SHF: variants seen among roughly 807,000 people sequenced by gnomAD.
SHF encodes SH2 domain-containing adapter protein F.
In SHF, 30 loss-of-function variants were observed where a neutral mutation model predicts 42.4. That is an observed-to-expected ratio of 0.71 (90% CI 0.53 to 0.96). The LOEUF is 0.96. Ranked by LOEUF, SHF falls within the 40% of genes least tolerant of loss-of-function variation. The pLI is 0.00. For synonymous variants in SHF, 264 were observed against 269.9 expected, an observed-to-expected ratio of 0.98 and a Z score of 0.21; for missense variants, 598 against 634.0, an observed-to-expected ratio of 0.94 and a Z score of 0.61.
chr15:45,172,304 G>T lies in SHF; in HGVS notation c.1003C>A (p.Pro335Thr), dbSNP rs1229996630. ...CCAGGTGACAGGCAGCTCTTCTCCG[G>T]TCCTTCAAACTGGGCTGTGGGGAAC... is the stretch of plus-strand genomic sequence containing the variant. ...LEDSSAQFEG[P>T]EKSCLSPGRE... The change falls in exon 5 of 7, where the codon CCG becomes ACG. Residue 335 changes from proline to threonine, a missense_variant. This residue lies in a region of SHF where 439 missense variants were observed against 524.6 expected (regional missense o/e 0.84). Transcript: ENST00000690270. 1 of 1,605,076 alleles carries T rather than the reference G, an allele frequency of 6.2e-7. No individual in the cohort carries two copies. The highest frequency in any genetic ancestry group is 2.2e-5 in the East Asian group (1 of 44,850).
chr15:45,193,301 G>A (rs1289028587), intron 2 of SHF, among the ~76,000 whole-genome samples: 1 of 152,206 alleles, frequency 6.6e-6, no homozygotes, highest in East Asian at 1.9e-4. Context: ...TGCCCAAGGT[G>A]GTCACGGCCC....
upstream of SHF, chr15:45,187,991 TG>T (rs1369840032): frequency 8.3e-5 from 45 of 540,462 alleles, no homozygotes; most frequent in African/African-American, 1.8e-3. Flanking sequence ...CAGCGGCGGG[TG>T]GGGGGCGGGG....
intron 1 of SHF, among the ~76,000 whole-genome samples, chr15:45,183,667 C>A (rs78590043): frequency 1.3e-5 from 2 of 152,224 alleles, no homozygotes; most frequent in African/African-American, 4.8e-5. Context: ...AGCTCCCACC[C>A]ATGGTCCTCA....
chr15:45,188,953 G>C (rs1177351476), upstream of SHF, among the ~76,000 whole-genome samples: 1 of 152,132 alleles, frequency 6.6e-6, no homozygotes, highest in Non-Finnish European at 1.5e-5. Flanking sequence ...AGCACTTTGG[G>C]AGGCCGAAAC....
intron 2 of SHF, 101 bp from the exon 3 acceptor site, chr15:45,175,526 G>A: frequency 8.2e-7 from 1 of 1,222,812 alleles, no homozygotes; most frequent in Non-Finnish European, 1.2e-6. Context: ...CTCCTTCAGA[G>A]GAGATGCCCT....
At chr15:45,198,655 A>T (rs1898957784) in intron 2 of SHF, 1 of 1,358,724 alleles carries the variant, frequency 7.4e-7, no homozygotes, top group African/African-American at 1.5e-5. Context: ...AACGCAGAGT[A>T]CTAACCACTA....
intron 1 of SHF, among the ~76,000 whole-genome samples, chr15:45,199,414 T>C (rs1172951127): frequency 6.6e-6 from 1 of 152,210 alleles, no homozygotes; most frequent in Non-Finnish European, 1.5e-5. Flanking sequence ...AAGGTGCCAT[T>C]GGCATTTAAC....
chr15:45,199,127 C>A (rs1446975037), intron 1 of SHF: 3 of 1,469,716 alleles, frequency 2.0e-6, no homozygotes, highest in Non-Finnish European at 2.7e-6. Context: ...CACCCTAGAA[C>A]CAGGTTCCAC....
At chr15:45,195,424 TTG>T in intron 2 of SHF, among the ~76,000 whole-genome samples, 1 of 152,194 alleles carries the variant, frequency 6.6e-6, no homozygotes, top group Admixed American at 6.5e-5. Context: ...CCTAATTATT[TTG>T]TCTCATTTTT....
intron 1 of SHF, among the ~76,000 whole-genome samples, chr15:45,183,824 C>A (rs1349253975): frequency 6.6e-6 from 1 of 152,228 alleles, no homozygotes; most frequent in African/African-American, 2.4e-5. Flanking sequence ...GTAGAGTGGA[C>A]AGGCCTGCCA....
chr15:45,169,954 C>T (rs1897385120), intron 6 of SHF, among the ~76,000 whole-genome samples: 2 of 152,214 alleles, frequency 1.3e-5, no homozygotes, highest in East Asian at 3.9e-4. Flanking sequence ...AGAAGAGAAA[C>T]CATAATTCTA....
intron 1 of SHF, among the ~76,000 whole-genome samples, chr15:45,185,934 G>A (rs565257811): frequency 6.6e-6 from 1 of 152,366 alleles, no homozygotes; most frequent in Non-Finnish European, 1.5e-5. Flanking sequence ...TCTGTGTCCT[G>A]GAGGAGCCCA....
At chr15:45,201,112 A>G (rs992748145) in exon 1 of SHF, 8 of 330,810 alleles carry the variant, frequency 2.4e-5, no homozygotes, top group Non-Finnish European at 4.2e-5. Context: ...GAGAAGGGCA[A>G]CACTGGGTCA....
chr15:45,181,632 C>T (rs186348623), intron 1 of SHF, among the ~76,000 whole-genome samples: 1 of 152,318 alleles, frequency 6.6e-6, no homozygotes, highest in Admixed American at 6.5e-5. Flanking sequence ...GCGTCCTCTC[C>T]AGACTCCATC....
exon 1 of SHF, chr15:45,201,070 C>T (rs540383087): frequency 2.3e-4 from 77 of 340,736 alleles, no homozygotes; most frequent in African/African-American, 1.6e-3. Flanking sequence ...ATAATGGACG[C>T]TTAGGAAAGC....
intron 6 of SHF, chr15:45,170,209 G>A (rs551960273): frequency 8.2e-5 from 35 of 426,264 alleles, no homozygotes; most frequent in South Asian, 1.4e-4. Flanking sequence ...AGACAGAGCT[G>A]GGTTCAAATC....
chr15:45,193,057 T>C (rs1237033228), intron 2 of SHF, among the ~76,000 whole-genome samples: 1 of 152,246 alleles, frequency 6.6e-6, no homozygotes, highest in Non-Finnish European at 1.5e-5. Flanking sequence ...AATGATATTC[T>C]GAGAACTTTT....
chr15:45,188,313 C>G (rs1233780114), upstream of SHF, among the ~76,000 whole-genome samples: 1 of 152,190 alleles, frequency 6.6e-6, no homozygotes, highest in Admixed American at 6.5e-5. Context: ...AAGAGGGGAG[C>G]CCCCAGACTC....
At chr15:45,195,106 A>G (rs1898826998) in intron 2 of SHF, among the ~76,000 whole-genome samples, 1 of 152,212 alleles carries the variant, frequency 6.6e-6, no homozygotes, top group African/African-American at 2.4e-5. Flanking sequence ...TATCGAAATT[A>G]TAGGCATGAG....
Sources: gnomAD v4.1 joint callset for allele counts (sites outside exome capture counted in the v4.1 genomes callset) on GRCh38, gnomAD v4.1.1 for gene constraint, gnomAD v4.1.1 regional missense constraint, MANE v1.5 for transcripts, NCBI Gene and HGNC (gene_info 2026-07-23, HGNC 2026-07-21) for gene names.